Variants in ANKHD1 observed in about 807,000 individuals in gnomAD.
The protein encoded by ANKHD1 is ankyrin repeat and KH domain containing 1.
In ANKHD1, 31 loss-of-function variants were observed where a neutral mutation model predicts 230.5. That is an observed-to-expected ratio of 0.13 (90% CI 0.10 to 0.18). ANKHD1 has a LOEUF of 0.18. Among genes scored for constraint, ANKHD1 ranks in the 10% least tolerant of loss-of-function variants. ANKHD1 has a pLI of 1.00. For synonymous variants in ANKHD1, 1,074 were observed against 1,117.6 expected (o/e 0.96, Z 0.78); for missense variants, 2,256 against 3,071.3 (o/e 0.73, Z 6.27).
chr5:140,518,963 G>C (rs1445317330), intron 24 of ANKHD1, among the ~76,000 whole-genome samples: 1 of 152,068 alleles, frequency 6.6e-6, no homozygotes, highest in Non-Finnish European at 1.5e-5. Flanking sequence ...AGGAAATAAA[G>C]GGTATTCAAT....
At chr5:140,440,437 G>T (rs896432387) in intron 4 of ANKHD1, among the ~76,000 whole-genome samples, 171 bp downstream of exon 4, 7 of 152,082 alleles carry the variant, frequency 4.6e-5, no homozygotes, top group African/African-American at 1.4e-4. Context: ...AGTTTATTTT[G>T]TTGCCGGTAC....
chr5:140,458,565 TAAAA>T (rs879278268), intron 7 of ANKHD1, 56 bp from the exon 8 acceptor site: 1 of 1,544,136 alleles, frequency 6.5e-7, no homozygotes, highest in African/African-American at 1.4e-5. Flanking sequence ...CTCTCCCACT[TAAAA>T]AAATCTCAAA....
intron 14 of ANKHD1, among the ~76,000 whole-genome samples, chr5:140,494,719 A>G (rs1309199689): frequency 6.6e-6 from 1 of 152,112 alleles, no homozygotes; most frequent in Non-Finnish European, 1.5e-5. Flanking sequence ...AATTCAGAAC[A>G]TTTCATGTCT....
rs576566184 is a variant in ANKHD1 at position 140,485,368 on chromosome 5, GC to G, written c.1998+121del. The G allele has an allele frequency of 1.9e-4, 254 of 1,340,742 alleles. No homozygotes were observed. In the African/African-American group the frequency reaches 4.0e-3, roughly 21 times the overall value. The allele number at this position is 1,340,742 out of a possible 1,614,324, so 83.1% of individuals were successfully genotyped here. On this transcript the variant is annotated intron_variant, in intron 12 of 33. Coordinates refer to ENST00000360839, the MANE Select transcript of ANKHD1 (RefSeq NM_017747.3). The surrounding 1 kb of genome is among the most constrained non-coding windows in gnomAD (Gnocchi z 4.8). The stretch of plus-strand genomic sequence containing the variant: ...GCCCAGGAGTTTGAGACTAGTCTAG[GC>G]AACATAAGGAGACCCCATCTCTATT...
intron 10 of ANKHD1, among the ~76,000 whole-genome samples, chr5:140,477,313 A>AT (rs1018485419): frequency 5.9e-5 from 9 of 152,180 alleles, no homozygotes; most frequent in Non-Finnish European, 1.2e-4. Flanking sequence ...TAGTGGTAGG[A>AT]TTTTTTTCAC....
In ANKHD1 at chr5:140,416,854, G is replaced by GT. The variant is rs777315779; in HGVS notation, c.306+14594dup. Among the ~76,000 whole-genome samples, 715 of 141,360 alleles carry GT rather than the reference G, an allele frequency of 5.1e-3. 7 individuals carry two copies. The highest frequency in any genetic ancestry group is 0.016 in the African/African-American group (624 of 38,778). 92.7% of individuals were successfully genotyped at this position (141,360 alleles called of 152,430 possible). A position where few individuals can be genotyped will look rare whatever the true frequency, so the allele number is the denominator to read the frequency against. On this transcript the variant is annotated intron_variant, in intron 1 of 33. Coordinates refer to ENST00000360839, the MANE Select transcript of ANKHD1 (RefSeq NM_017747.3). ...AGATCCCATATTAATTTTAGGATGG[G>GT]TTTTTTTTTTTTTAATTTCTGCAAA... is the stretch of plus-strand genomic sequence containing the variant.
intron 7 of ANKHD1, among the ~76,000 whole-genome samples, chr5:140,450,297 ATTTTT>A (rs5871736): frequency 7.5e-6 from 1 of 133,234 alleles, no homozygotes; most frequent in Non-Finnish European, 1.6e-5. Flanking sequence ...ACCTCTATCT[ATTTTT>A]TTTTTTTTTT....
chr5:140,526,376 T>A lies in ANKHD1; in HGVS notation c.4873T>A (p.Tyr1625Asn), dbSNP rs200665904. Residue 1625 changes from tyrosine (Y) to asparagine (N), a missense_variant, in exon 26 of 34, where the codon TAC becomes AAC. Tyr to Asn is a moderately radical substitution (Grantham distance 143, BLOSUM62 -2). Transcript: ENST00000360839. ...NFVMDVNSSK[Y>N]PSLLLHSQEE... Reference sequence around the variant, plus strand: ...TGTGATGGATGTGAATTCCTCTAAATACCCCTCACTGCTCCTTCATTCCCA... The same window carrying A: ...TGTGATGGATGTGAATTCCTCTAAAAACCCCTCACTGCTCCTTCATTCCCA... 6.2e-7 allele frequency: 1 copy of A among 1,614,180 alleles called. No homozygotes were observed. Among genetic ancestry groups the A allele is most frequent in the South Asian group, 1.1e-5 (1 of 91,082 alleles).
intron 29 of ANKHD1, 122 bp downstream of exon 29, chr5:140,529,918 C>A: frequency 7.1e-7 from 1 of 1,400,044 alleles, no homozygotes; most frequent in Non-Finnish European, 9.4e-7. Flanking sequence ...TTTAGATTCT[C>A]TCTATGATTT....
At position 140,509,790 on chromosome 5, in the gene ANKHD1, T is replaced by G; in HGVS notation, c.3919T>G (p.Phe1307Val). ...AGCAGCAGACAAAGGTCACTACAAA[T>G]TTTGTGAACTCCTGATTCATAGGTG... The part of the protein sequence containing the change: ...TIAADKGHYK[F>V]CELLIHRGAH... The change falls in exon 21 of 34, where the codon TTT becomes GTT. Residue 1307 changes from phenylalanine (F) to valine (V), a missense_variant. Physicochemically the swap from Phe to Val is conservative, Grantham distance 50 (BLOSUM62 -1). Transcript: ENST00000360839. 1 of 1,611,326 alleles carries G rather than the reference T, an allele frequency of 6.2e-7. No homozygotes were observed. The highest frequency in any genetic ancestry group is 8.5e-7 in the Non-Finnish European group (1 of 1,179,438).
At chr5:140,425,876 C>G (rs1042816085) in intron 1 of ANKHD1, among the ~76,000 whole-genome samples, 4 of 151,982 alleles carry the variant, frequency 2.6e-5, no homozygotes, top group African/African-American at 7.3e-5. Context: ...TTGTTATGTC[C>G]TTCAGTAATT....
chr5:140,450,167 G>A (rs746781094), intron 7 of ANKHD1, among the ~76,000 whole-genome samples: 10 of 152,068 alleles, frequency 6.6e-5, no homozygotes, highest in African/African-American at 9.7e-5. Flanking sequence ...AAGTGCAAAC[G>A]CATTTTTTCA....
At chr5:140,409,379 A>G (rs948496069) in intron 1 of ANKHD1, among the ~76,000 whole-genome samples, 4 of 152,198 alleles carry the variant, frequency 2.6e-5, no homozygotes, top group South Asian at 2.1e-4. Context: ...TGAATTTTTA[A>G]AAAACTTTTA....
chr5:140,480,696 A>T (rs1369789250), intron 10 of ANKHD1, among the ~76,000 whole-genome samples: 2 of 152,052 alleles, frequency 1.3e-5, no homozygotes, highest in Non-Finnish European at 2.9e-5. Flanking sequence ...TTATTTACCT[A>T]GTAGAAAATA....
Position 140,458,767 on chromosome 5 carries a change from C to G in ANKHD1, c.1385C>G (p.Ala462Gly). 6.2e-7 allele frequency: 1 copy of G among 1,613,000 alleles called. No homozygotes were observed. The highest frequency in any genetic ancestry group is 8.5e-7 in the Non-Finnish European group (1 of 1,179,720). ...ELAALLIERG[A>G]NLEEVNDEGY... ...GCAGCTCTACTTATTGAAAGGGGAG[C>G]AAATCTTGAAGAAGTTAATGATGAA... Residue 462 changes from alanine to glycine, a missense_variant, in exon 8 of 34, where the codon GCA becomes GGA. Around this residue, in one of 13 missense-constraint regions of ANKHD1, gnomAD observed 179 missense variants for 261.8 expected, o/e 0.68. Coordinates refer to ENST00000360839, the MANE Select transcript of ANKHD1 (RefSeq NM_017747.3).
chr5:140,515,056 TC>T (rs1752933968), intron 24 of ANKHD1, among the ~76,000 whole-genome samples: 1 of 151,540 alleles, frequency 6.6e-6, no homozygotes, highest in Non-Finnish European at 1.5e-5. Context: ...GGCGGGCAGA[TC>T]ACCTGAGGTT....
intron 11 of ANKHD1, among the ~76,000 whole-genome samples, chr5:140,484,586 T>C (rs1751424917): frequency 6.6e-6 from 1 of 152,202 alleles, no homozygotes. Context: ...CACTTTCTAG[T>C]AGATCAAAAA....
intron 24 of ANKHD1, among the ~76,000 whole-genome samples, chr5:140,520,678 A>G (rs1459327100): frequency 2.0e-5 from 3 of 151,186 alleles, no homozygotes; most frequent in South Asian, 2.1e-4. Flanking sequence ...CTATTGCAAG[A>G]ACAAAAAACC....
intron 30 of ANKHD1, among the ~76,000 whole-genome samples, chr5:140,536,597 G>C (rs1754091457): frequency 6.6e-6 from 1 of 152,068 alleles, no homozygotes; most frequent in Non-Finnish European, 1.5e-5. Context: ...GCTAACATTT[G>C]ACCTTATTTC....
Sources: gnomAD v4.1 joint callset for allele counts (sites outside exome capture counted in the v4.1 genomes callset) on GRCh38, gnomAD v4.1.1 for gene constraint, gnomAD v4.1.1 regional missense constraint, Gnocchi (gnomAD v3.1) non-coding constraint, MANE v1.5 for transcripts, NCBI Gene and HGNC (gene_info 2026-07-23, HGNC 2026-07-21) for gene names.